The following SLC4A4 variants were observed in gnomAD, a reference collection of about 807,000 sequenced individuals.
SLC4A4 encodes electrogenic sodium bicarbonate cotransporter 1.
SLC4A4 carries 27 observed loss-of-function variants against 111.5 expected under a neutral mutation model. The observed-to-expected ratio is 0.24, with a 90% CI of 0.18 to 0.33. The LOEUF is 0.33. Ranked by LOEUF, SLC4A4 falls within the 10% of genes least tolerant of loss-of-function variation. The pLI is 1.00. For missense variants in SLC4A4, 909 were observed against 1,315.5 expected (o/e 0.69, Z 4.78); for synonymous variants, 443 against 463.4 (o/e 0.96, Z 0.57).
intron 1 of SLC4A4, among the ~76,000 whole-genome samples, chr4:71,212,868 A>G (rs1269422764): frequency 2.0e-5 from 3 of 152,208 alleles, no homozygotes; most frequent in Non-Finnish European, 4.4e-5. Context: ...CATTCCTTGC[A>G]TAACGATGTT....
At chr4:71,239,666 A>C (rs1436441479) in intron 2 of SLC4A4, among the ~76,000 whole-genome samples, 1 of 152,232 alleles carries the variant, frequency 6.6e-6, no homozygotes, top group African/African-American at 2.4e-5. Context: ...TCTATGTGGC[A>C]TATATTTAAA....
At chr4:71,242,090 G>T (rs1259888635) in intron 2 of SLC4A4, among the ~76,000 whole-genome samples, 1 of 152,208 alleles carries the variant, frequency 6.6e-6, no homozygotes, top group Admixed American at 6.5e-5. Context: ...CTGAGAATTT[G>T]AGAATTTTCC....
chr4:71,446,337 GGTACCATAAAAATC>G (rs745585805), intron 8 of SLC4A4, among the ~76,000 whole-genome samples: 6 of 152,012 alleles, frequency 3.9e-5, no homozygotes. Context: ...AGCTGTTTCT[GGTACCATAAAAATC>G]TTACCTAAGA....
chr4:71,337,823 A>T (rs1295754126), intron 3 of SLC4A4, among the ~76,000 whole-genome samples: 1 of 150,994 alleles, frequency 6.6e-6, no homozygotes, highest in African/African-American at 2.4e-5. Context: ...TTGACATTTA[A>T]TTAATTAATT....
At chr4:71,192,350 G>T (rs538146107) in intron 1 of SLC4A4, among the ~76,000 whole-genome samples, 1 of 152,222 alleles carries the variant, frequency 6.6e-6, no homozygotes, top group South Asian at 2.1e-4. Flanking sequence ...ACATTAAAAA[G>T]AATTCACTTT....
chr4:71,462,558 A>C (rs1012777752), intron 12 of SLC4A4, among the ~76,000 whole-genome samples: 4 of 151,390 alleles, frequency 2.6e-5, no homozygotes, highest in African/African-American at 9.7e-5. Context: ...ACAGGTGTGC[A>C]CCACCATGCC....
At chr4:71,531,031 G>GTATC (rs1733867449) in intron 16 of SLC4A4, among the ~76,000 whole-genome samples, 1 of 152,096 alleles carries the variant, frequency 6.6e-6, no homozygotes, top group Non-Finnish European at 1.5e-5. Context: ...ATTTACTGTG[G>GTATC]TATCCTTAGC....
intron 2 of SLC4A4, among the ~76,000 whole-genome samples, chr4:71,157,890 A>G (rs1744519525): frequency 6.6e-6 from 1 of 152,202 alleles, no homozygotes; most frequent in South Asian, 2.1e-4. Context: ...AAGAAACTCT[A>G]TAGATCAGGG....
intron 2 of SLC4A4, among the ~76,000 whole-genome samples, chr4:71,138,480 G>C (rs537004553): frequency 6.6e-6 from 1 of 152,168 alleles, no homozygotes; most frequent in African/African-American, 2.4e-5. Flanking sequence ...AAGCCTTTCT[G>C]TCCTTCTTTT....
In SLC4A4 at chr4:71,271,706, G is replaced by A. The variant is rs150418137; in HGVS notation, c.253+16307G>A. ...TGTTTTGCTTGAGGCCATAGATAAG[G>A]AGCAATAAGAATAAATGAAGATAAT... On this transcript the variant is annotated intron_variant, in intron 3 of 25. Coordinates refer to ENST00000264485, the MANE Select transcript of SLC4A4 (RefSeq NM_001098484.3). Among the ~76,000 whole-genome samples, 1,182 of 152,252 alleles carry A rather than the reference G, an allele frequency of 7.8e-3. 11 individuals carry two copies. Among genetic ancestry groups the A allele is most frequent in the South Asian group, 0.029 (139 of 4,818 alleles).
At chr4:71,562,711 A>C (rs2149255772) in intron 23 of SLC4A4, among the ~76,000 whole-genome samples, 1 of 151,780 alleles carries the variant, frequency 6.6e-6, no homozygotes, top group Non-Finnish European at 1.5e-5. Context: ...CCAATTTGCC[A>C]GTCTGTGTCT....
At chr4:71,225,588 G>A (rs893792200) in intron 1 of SLC4A4, among the ~76,000 whole-genome samples, 1 of 152,194 alleles carries the variant, frequency 6.6e-6, no homozygotes, top group African/African-American at 2.4e-5. Flanking sequence ...TTCAGGATGG[G>A]AGATGTGAAC....
Position 71,192,247 on chromosome 4 carries a change from G to A in SLC4A4, c.-2+4846G>A, listed in dbSNP as rs527702302. 3.9e-5 allele frequency among the ~76,000 whole-genome samples: 6 copies of A among 152,192 alleles called. No individual in the cohort carries two copies. The South Asian group carries it at 1.2e-3, about 32-fold the overall frequency. On this transcript the variant is annotated intron_variant, in intron 1 of 25. Coordinates refer to ENST00000264485, the MANE Select transcript of SLC4A4 (RefSeq NM_001098484.3). Reference sequence around the variant, plus strand: ...ATCTGATATTCACTGATAAGATCTAGTAACAACTTCATCTATTTGGAACTC... The same window carrying A: ...ATCTGATATTCACTGATAAGATCTAATAACAACTTCATCTATTTGGAACTC...
At chr4:71,201,494 C>G (rs1382345852) in intron 1 of SLC4A4, among the ~76,000 whole-genome samples, 7 of 152,198 alleles carry the variant, frequency 4.6e-5, no homozygotes, top group Admixed American at 1.3e-4. Flanking sequence ...CAGCACAGCA[C>G]CAAAGACTTC....
intron 20 of SLC4A4, among the ~76,000 whole-genome samples, chr4:71,550,190 A>G (rs1261208187): frequency 6.6e-6 from 1 of 151,994 alleles, no homozygotes; most frequent in Non-Finnish European, 1.5e-5. Flanking sequence ...AATATAGTTT[A>G]TAGCATACTG....
chr4:71,480,020 CTTT>C (rs34425929), intron 14 of SLC4A4, among the ~76,000 whole-genome samples: 21,068 of 127,042 alleles, frequency 0.17, 1,561 homozygotes, highest in South Asian at 0.38. Flanking sequence ...ATATGCCCAT[CTTT>C]TTTTTTTTTT....
chr4:71,300,621 T>C lies in SLC4A4; in HGVS notation c.254-38749T>C, dbSNP rs1560390747. ...GCTGCCGTCTCTTCATGAGCAGCTC[T>C]GTATGCAGTGACGACAGGCTTGAGA... On this transcript the variant is annotated intron_variant, in intron 3 of 25. Transcript: ENST00000264485. 4 of 346,030 alleles carry C rather than the reference T, an allele frequency of 1.2e-5. No homozygotes were observed. The East Asian group carries it at 3.1e-4, about 27-fold the overall frequency. The allele number at this position is 346,030 out of a possible 1,614,324, so 21.4% of individuals were successfully genotyped here.
intron 7 of SLC4A4, among the ~76,000 whole-genome samples, chr4:71,426,038 T>A (rs1011184947): frequency 6.6e-6 from 1 of 152,098 alleles, no homozygotes. Flanking sequence ...GGAATATATT[T>A]TAGGGTAAAA....
chr4:71,209,198 CT>C (rs1455858363), intron 1 of SLC4A4, among the ~76,000 whole-genome samples: 8 of 152,188 alleles, frequency 5.3e-5, no homozygotes, highest in Non-Finnish European at 1.0e-4. Flanking sequence ...GACCCTCATA[CT>C]ATCTGTGCTA....
Sources: allele counts gnomAD v4.1 joint callset (sites outside exome capture counted in the v4.1 genomes callset), GRCh38; gene constraint gnomAD v4.1.1; transcripts MANE v1.5; gene names NCBI Gene and HGNC (gene_info 2026-07-23, HGNC 2026-07-21).